OXR1: variants seen among roughly 807,000 people sequenced by gnomAD.
OXR1 encodes the protein oxidation resistance 1.
In OXR1, 41 loss-of-function variants were observed where a neutral mutation model predicts 104.6. The ratio of observed to expected loss-of-function variants is 0.39; its 90% CI spans 0.31 to 0.51. The LOEUF (loss-of-function observed/expected upper bound fraction) is 0.51, where lower values mean the gene tolerates loss of function less well. Among genes scored for constraint, OXR1 ranks in the 20% least tolerant of loss-of-function variants. The probability of loss-of-function intolerance (pLI) is 0.77; values close to 1 mark genes in which losing one functional copy is unlikely to be tolerated. For missense variants in OXR1, 955 were observed against 1,031.9 expected, an observed-to-expected ratio of 0.93 and a Z score of 1.02; for synonymous variants, 348 against 348.4, an observed-to-expected ratio of 1.00 and a Z score of 0.01.
At chr8:106,470,966 G>A (rs1369923574) in intron 2 of OXR1, among the ~76,000 whole-genome samples, 1 of 151,710 alleles carries the variant, frequency 6.6e-6, no homozygotes, top group African/African-American at 2.4e-5. Context: ...CAGTTTTGGT[G>A]GTATGGTAAA....
intron 3 of OXR1, among the ~76,000 whole-genome samples, chr8:106,529,602 C>A (rs1813943720): frequency 6.6e-6 from 1 of 152,052 alleles, no homozygotes; most frequent in Non-Finnish European, 1.5e-5. Flanking sequence ...AGCATTAGTA[C>A]CTTATTTTAT....
At chr8:106,541,375 T>C (rs184046946) in intron 3 of OXR1, among the ~76,000 whole-genome samples, 2 of 152,330 alleles carry the variant, frequency 1.3e-5, no homozygotes, top group South Asian at 2.1e-4. Flanking sequence ...ACACAAATCA[T>C]TTATTTTCAC....
At chr8:106,582,439 T>C (rs1274962912) in intron 3 of OXR1, among the ~76,000 whole-genome samples, 1 of 152,074 alleles carries the variant, frequency 6.6e-6, no homozygotes, top group East Asian at 1.9e-4. Context: ...CTATGCTGGT[T>C]AGCTGGCATG....
At chr8:106,637,417 AAG>A (rs1823234274) in intron 3 of OXR1, among the ~76,000 whole-genome samples, 7 of 152,220 alleles carry the variant, frequency 4.6e-5, no homozygotes, top group African/African-American at 1.7e-4. Flanking sequence ...ACATAAGATT[AAG>A]ACAAAAAGAT....
intron 2 of OXR1, among the ~76,000 whole-genome samples, chr8:106,486,486 C>T (rs1415935273): frequency 6.6e-6 from 1 of 152,042 alleles, no homozygotes; most frequent in African/African-American, 2.4e-5. Context: ...CCAGAGTCTA[C>T]CTACTTGTCT....
At chr8:106,495,683 A>G (rs959405058) in intron 2 of OXR1, among the ~76,000 whole-genome samples, 4 of 152,222 alleles carry the variant, frequency 2.6e-5, no homozygotes, top group African/African-American at 9.6e-5. Flanking sequence ...GACAGCAAAG[A>G]ATTCGGTCTG....
intron 3 of OXR1, among the ~76,000 whole-genome samples, chr8:106,648,995 A>G (rs1197489622): frequency 6.6e-6 from 1 of 152,192 alleles, no homozygotes; most frequent in Non-Finnish European, 1.5e-5. Flanking sequence ...GTTTGAGCCC[A>G]GGAGTTGAAG....
At chr8:106,640,800 T>G (rs1290278058) in intron 3 of OXR1, among the ~76,000 whole-genome samples, 1 of 152,194 alleles carries the variant, frequency 6.6e-6, no homozygotes, top group Non-Finnish European at 1.5e-5. Context: ...CTTGCAATAA[T>G]AGTTACAACT....
chr8:106,571,302 C>T (rs1384055565), intron 3 of OXR1, among the ~76,000 whole-genome samples: 2 of 152,048 alleles, frequency 1.3e-5, no homozygotes, highest in Non-Finnish European at 2.9e-5. Context: ...CTTGTGAAGG[C>T]TCTCTTCCTG....
chr8:106,400,465 A>G (rs1817956736), intron 2 of OXR1, among the ~76,000 whole-genome samples: 1 of 152,194 alleles, frequency 6.6e-6, no homozygotes, highest in African/African-American at 2.4e-5. Flanking sequence ...TTAGACTGGA[A>G]GATTCCCAGG....
At chr8:106,297,537 C>T (rs1357814106) in intron 1 of OXR1, among the ~76,000 whole-genome samples, 1 of 151,208 alleles carries the variant, frequency 6.6e-6, no homozygotes, top group African/African-American at 2.5e-5. Flanking sequence ...GTACCGAATA[C>T]TGTAGGCAGT....
chr8:106,557,276 A>C (rs1816354325), intron 3 of OXR1, among the ~76,000 whole-genome samples: 1 of 152,150 alleles, frequency 6.6e-6, no homozygotes, highest in Non-Finnish European at 1.5e-5. Context: ...ATTTCTTGCT[A>C]TTCTTTTTAA....
chr8:106,339,921 T>C (rs1161263954), intron 1 of OXR1, among the ~76,000 whole-genome samples: 1 of 152,130 alleles, frequency 6.6e-6, no homozygotes, highest in Non-Finnish European at 1.5e-5. Flanking sequence ...GCAATATAAA[T>C]ATTACTGTAT....
chr8:106,676,036 T>C (rs538631380), intron 3 of OXR1, among the ~76,000 whole-genome samples: 12 of 152,324 alleles, frequency 7.9e-5, no homozygotes, highest in Non-Finnish European at 1.6e-4. Context: ...TAGCATTATG[T>C]AATGCCCTTC....
At chr8:106,441,378 T>A (rs1265196408) in intron 2 of OXR1, among the ~76,000 whole-genome samples, 1 of 152,202 alleles carries the variant, frequency 6.6e-6, no homozygotes, top group African/African-American at 2.4e-5. Flanking sequence ...CTCTTTTTGC[T>A]TAGGATTTTC....
chr8:106,664,006 C>T (rs1196946977), intron 3 of OXR1, among the ~76,000 whole-genome samples: 1 of 152,228 alleles, frequency 6.6e-6, no homozygotes, highest in Non-Finnish European at 1.5e-5. Context: ...TAGCTGGCCC[C>T]AGTTTTAGTC....
chr8:106,433,720 T>C (rs941239783), intron 2 of OXR1, among the ~76,000 whole-genome samples: 1 of 152,224 alleles, frequency 6.6e-6, no homozygotes, highest in Non-Finnish European at 1.5e-5. Flanking sequence ...TCTTTATCTG[T>C]ATATCTAATC....
At chr8:106,700,674 A>G (rs184411130) in intron 7 of OXR1, among the ~76,000 whole-genome samples, 1 of 152,324 alleles carries the variant, frequency 6.6e-6, no homozygotes, top group East Asian at 1.9e-4. Flanking sequence ...TAAGGTATAT[A>G]GAGAATTAAA....
chr8:106,484,104 C>T (rs1339367774), intron 2 of OXR1, among the ~76,000 whole-genome samples: 1 of 151,992 alleles, frequency 6.6e-6, no homozygotes, highest in Non-Finnish European at 1.5e-5. Flanking sequence ...AAAATGTCTG[C>T]TCTGTGAAAG....
Sources: gnomAD v4.1 joint callset for allele counts (sites outside exome capture counted in the v4.1 genomes callset) on GRCh38, gnomAD v4.1.1 for gene constraint, MANE v1.5 for transcripts, NCBI Gene and HGNC (gene_info 2026-07-23, HGNC 2026-07-21) for gene names.